Variants in LDLRAD3 observed in about 807,000 individuals in gnomAD.
LDLRAD3 encodes the protein low density lipoprotein receptor class A domain containing 3, also known as low-density lipoprotein receptor class A domain-containing protein 3.
In LDLRAD3, 20 loss-of-function variants were observed where a neutral mutation model predicts 29.4. That is an observed-to-expected ratio of 0.68 (90% confidence interval 0.48 to 0.99). The LOEUF (loss-of-function observed/expected upper bound fraction) is 0.99, where lower values mean the gene tolerates loss of function less well. LDLRAD3 is among the 50% of genes least tolerant of loss of function. The pLI is 0.00. For missense variants in LDLRAD3, 420 were observed against 454.3 expected, an observed-to-expected ratio of 0.92 and a Z score of 0.69; for synonymous variants, 157 against 192.7, an observed-to-expected ratio of 0.81 and a Z score of 1.53.
chr11:36,035,009 C>T (rs1852285083), intron 1 of LDLRAD3, among the ~76,000 whole-genome samples: 1 of 152,138 alleles, frequency 6.6e-6, no homozygotes, highest in Admixed American at 6.5e-5. Flanking sequence ...CATCCCTGTT[C>T]TTATTTTGCT....
intron 2 of LDLRAD3, among the ~76,000 whole-genome samples, chr11:36,073,882 T>C (rs1230023727): frequency 6.6e-6 from 1 of 152,238 alleles, no homozygotes; most frequent in Non-Finnish European, 1.5e-5. Context: ...TAGAGAAATC[T>C]AAGGAGGCGG....
chr11:35,950,925 T>C (rs2133124898), intron 1 of LDLRAD3, among the ~76,000 whole-genome samples: 1 of 151,998 alleles, frequency 6.6e-6, no homozygotes, highest in African/African-American at 2.4e-5. Flanking sequence ...CTTCTAAAAA[T>C]GCAAAACGTT....
At chr11:36,055,001 GCATGGATGGATAGATGGT>G (rs1852595830) in intron 2 of LDLRAD3, among the ~76,000 whole-genome samples, 1 of 126,014 alleles carries the variant, frequency 7.9e-6, no homozygotes. Flanking sequence ...ATGGATGGAT[GCATGGATGGATAGATGGT>G]TGGATGAATG....
intron 4 of LDLRAD3, among the ~76,000 whole-genome samples, chr11:36,136,277 A>C (rs1854002938): frequency 6.6e-6 from 1 of 152,182 alleles, no homozygotes; most frequent in South Asian, 2.1e-4. Context: ...TAGACTTCAC[A>C]ACAACCCCAC....
chr11:36,098,253 G>A, intron 3 of LDLRAD3, 74 bp from the exon 4 acceptor site: 2 of 1,562,372 alleles, frequency 1.3e-6, no homozygotes, highest in Non-Finnish European at 1.8e-6. Flanking sequence ...CACACGCCAG[G>A]CTGGAAGAAG....
intron 2 of LDLRAD3, among the ~76,000 whole-genome samples, chr11:36,071,799 C>T (rs899339208): frequency 1.3e-5 from 2 of 152,200 alleles, no homozygotes; most frequent in Non-Finnish European, 2.9e-5. Flanking sequence ...CCAGCAGCAT[C>T]GCCTGGGAGC....
intron 4 of LDLRAD3, among the ~76,000 whole-genome samples, chr11:36,158,974 T>C (rs1470184616): frequency 2.0e-5 from 3 of 152,168 alleles, no homozygotes; most frequent in Non-Finnish European, 4.4e-5. Context: ...ATACAATACA[T>C]TATTATTAAC....
At chr11:36,101,225 GC>G (rs995692336) in intron 4 of LDLRAD3, among the ~76,000 whole-genome samples, 15 of 152,150 alleles carry the variant, frequency 9.9e-5, no homozygotes, top group Admixed American at 7.2e-4. Context: ...CCCACAAGGT[GC>G]CCACTTGTGG....
At chr11:36,229,119 C>T (rs1218080983) in intron 5 of LDLRAD3, 41 bp from the exon 6 acceptor site, 4 of 1,374,498 alleles carry the variant, frequency 2.9e-6, no homozygotes, top group Non-Finnish European at 1.0e-6. Context: ...TCTTCTCTTC[C>T]TGTCTCCATT....
At chr11:36,143,028 A>G (rs542322906) in intron 4 of LDLRAD3, among the ~76,000 whole-genome samples, 2 of 152,280 alleles carry the variant, frequency 1.3e-5, no homozygotes, top group South Asian at 2.1e-4. Flanking sequence ...TTGATTAAAC[A>G]CGTACTATGT....
At chr11:36,040,964 T>C (rs1852374121) in intron 2 of LDLRAD3, among the ~76,000 whole-genome samples, 1 of 152,160 alleles carries the variant, frequency 6.6e-6, no homozygotes, top group Non-Finnish European at 1.5e-5. Context: ...TATTTCTTTG[T>C]GAGATACCTA....
At chr11:36,151,275 G>A (rs964701327) in intron 4 of LDLRAD3, among the ~76,000 whole-genome samples, 1 of 152,118 alleles carries the variant, frequency 6.6e-6, no homozygotes, top group Non-Finnish European at 1.5e-5. Context: ...CAGCTACTGT[G>A]TATTGAGCAC....
At chr11:36,229,051 C>T (rs932923410) in intron 5 of LDLRAD3, 109 bp from the exon 6 acceptor site, 7 of 760,762 alleles carry the variant, frequency 9.2e-6, no homozygotes, top group African/African-American at 8.7e-5. Context: ...TCATTTCGCA[C>T]TGGAAACACT....
At chr11:36,061,685 G>A (rs187263725) in intron 2 of LDLRAD3, among the ~76,000 whole-genome samples, 27 of 152,316 alleles carry the variant, frequency 1.8e-4, no homozygotes, top group African/African-American at 6.5e-4. Context: ...AATAGGTTTA[G>A]TAAGTAGAAA....
intron 1 of LDLRAD3, among the ~76,000 whole-genome samples, chr11:35,961,034 G>C (rs552163538): frequency 8.3e-4 from 126 of 152,220 alleles, no homozygotes; most frequent in Non-Finnish European, 1.6e-3. Flanking sequence ...GTTAAGAGGC[G>C]GTTGTTCTAC....
intron 1 of LDLRAD3, among the ~76,000 whole-genome samples, chr11:35,988,069 G>A (rs1565144896): frequency 6.6e-6 from 1 of 152,024 alleles, no homozygotes. Context: ...TTGTTCGTTT[G>A]TTTTTTGAGA....
Position 36,208,686 on chromosome 11 carries a change from A to G in LDLRAD3, c.455-18399A>G, listed in dbSNP as rs546623134. Among the ~76,000 whole-genome samples, 17 of 152,338 alleles carry G rather than the reference A, an allele frequency of 1.1e-4. No homozygotes were observed. The South Asian group carries it at 3.5e-3, about 32-fold the overall frequency. ...CAAGTCCATCTGAAGTAAATAAATA[A>G]TTAATAAATAAATTGGAGAAAGCAA... is the stretch of plus-strand genomic sequence containing the variant. On this transcript the variant is annotated intron_variant, in intron 4 of 5. Coordinates refer to ENST00000315571, the MANE Select transcript of LDLRAD3 (RefSeq NM_174902.4).
At chr11:36,026,275 G>A (rs1225477317) in intron 1 of LDLRAD3, among the ~76,000 whole-genome samples, 1 of 152,160 alleles carries the variant, frequency 6.6e-6, no homozygotes, top group Non-Finnish European at 1.5e-5. Flanking sequence ...CCTTTTCATT[G>A]TGTGAATGTA....
At chr11:36,200,871 T>C (rs1404861632) in intron 4 of LDLRAD3, among the ~76,000 whole-genome samples, 1 of 152,214 alleles carries the variant, frequency 6.6e-6, no homozygotes, top group African/African-American at 2.4e-5. Context: ...TTGCTTATGC[T>C]GAAAGCTCAG....
Sources: gnomAD v4.1 joint callset for allele counts (sites outside exome capture counted in the v4.1 genomes callset) on GRCh38, gnomAD v4.1.1 for gene constraint, MANE v1.5 for transcripts, NCBI Gene and HGNC (gene_info 2026-07-23, HGNC 2026-07-21) for gene names.